The following CDH8 variants were observed in gnomAD, a reference collection of about 807,000 sequenced individuals.
CDH8 encodes cadherin 8.
CDH8 carries 17 observed loss-of-function variants against 68.1 expected under a neutral mutation model. The ratio of observed to expected loss-of-function variants is 0.25; its 90% CI spans 0.17 to 0.37. CDH8 has a LOEUF of 0.37. Ranked by LOEUF, CDH8 falls within the 10% of genes least tolerant of loss-of-function variation. The probability of loss-of-function intolerance (pLI) is 1.00; values close to 1 mark genes in which losing one functional copy is unlikely to be tolerated. For missense variants in CDH8, 763 were observed against 999.3 expected, an observed-to-expected ratio of 0.76 and a Z score of 3.19; for synonymous variants, 372 against 365.1, an observed-to-expected ratio of 1.02 and a Z score of -0.21.
rs16964185 is a variant in CDH8, at chr16:62,018,855, G to A, written c.252+2297C>T. Among the ~76,000 whole-genome samples, 1,452 of 152,248 alleles carry A rather than the reference G, an allele frequency of 9.5e-3. 23 individuals carry two copies. The highest frequency in any genetic ancestry group is 0.032 in the African/African-American group (1,350 of 41,558). On this transcript the variant is annotated intron_variant, in intron 2 of 11. Transcript: ENST00000577390. ...ATTCAGAGAAGCATGAACGTCTCAC[G>A]TGTCAATAAGTCACAAGAAGATGCT... is the stretch of plus-strand genomic sequence containing the variant.
At chr16:61,865,853 G>A (rs1015381090) in intron 3 of CDH8, among the ~76,000 whole-genome samples, 2 of 152,138 alleles carry the variant, frequency 1.3e-5, no homozygotes, top group Admixed American at 6.6e-5. Context: ...GGCAGCTATC[G>A]ATATCCATAC....
At chr16:61,762,634 GAAGATGGCACC>G (rs766371783) in intron 8 of CDH8, among the ~76,000 whole-genome samples, 44 of 152,258 alleles carry the variant, frequency 2.9e-4, no homozygotes, top group Non-Finnish European at 5.3e-4. Context: ...TAGGAACTCT[GAAGATGGCACC>G]AAGTAATCTG....
In CDH8 at chr16:62,027,110, CAGAT is replaced by C. The variant is rs148567318; in HGVS notation, c.-199-5512_-199-5509del. On this transcript the variant is annotated intron_variant, in intron 1 of 11. Coordinates refer to ENST00000577390, the MANE Select transcript of CDH8 (RefSeq NM_001796.5). ...TAATGCTGCTGCATTGATTTACACT[CAGAT>C]AGTGAGATGAAGAGATTTTACAGTT... Among the ~76,000 whole-genome samples the C allele has an allele frequency of 9.1e-4, 138 of 152,308 alleles. 1 individual carries two copies. Among genetic ancestry groups the C allele is most frequent in the African/African-American group, 3.1e-3 (129 of 41,562 alleles).
At chr16:61,937,531 T>A (rs78103862) in intron 2 of CDH8, among the ~76,000 whole-genome samples, 23,181 of 152,118 alleles carry the variant, frequency 0.15, 2,629 homozygotes, top group East Asian at 0.3. Context: ...CTTTTCTCAG[T>A]CTCTGGAACT....
At chr16:61,902,344 G>A (rs1040001066) in intron 2 of CDH8, among the ~76,000 whole-genome samples, 6 of 151,964 alleles carry the variant, frequency 3.9e-5, no homozygotes, top group African/African-American at 1.4e-4. Context: ...CTGGTTTTAA[G>A]GTTCTGACAA....
intron 2 of CDH8, among the ~76,000 whole-genome samples, chr16:62,009,153 A>G (rs1212448175): frequency 6.6e-6 from 1 of 152,120 alleles, no homozygotes; most frequent in Non-Finnish European, 1.5e-5. Flanking sequence ...GGTCATTTTT[A>G]ATAGCATGTT....
At chr16:61,889,575 C>T (rs189328582) in intron 3 of CDH8, among the ~76,000 whole-genome samples, 1 of 152,218 alleles carries the variant, frequency 6.6e-6, no homozygotes, top group African/African-American at 2.4e-5. Flanking sequence ...TTCGGAGCTG[C>T]CCTGACATGC....
At chr16:61,756,701 G>GT (rs1960329171) in intron 8 of CDH8, among the ~76,000 whole-genome samples, 1 of 152,052 alleles carries the variant, frequency 6.6e-6, no homozygotes, top group African/African-American at 2.4e-5. Flanking sequence ...CACTTCAGCA[G>GT]GTTTCTCAAA....
chr16:61,884,299 GATA>G (rs1465749263), intron 3 of CDH8, among the ~76,000 whole-genome samples: 1 of 151,834 alleles, frequency 6.6e-6, no homozygotes, highest in African/African-American at 2.4e-5. Context: ...TCAACATGAA[GATA>G]ATGAGGATGA....
intron 2 of CDH8, among the ~76,000 whole-genome samples, chr16:61,973,048 C>T (rs1162462330): frequency 6.6e-6 from 1 of 152,160 alleles, no homozygotes; most frequent in African/African-American, 2.4e-5. Flanking sequence ...ACAGCTGACC[C>T]TTGAACAACA....
At chr16:61,850,818 T>G (rs1962923628) in intron 4 of CDH8, among the ~76,000 whole-genome samples, 1 of 152,046 alleles carries the variant, frequency 6.6e-6, no homozygotes, top group African/African-American at 2.4e-5. Flanking sequence ...TTCATACATG[T>G]TTGCTAAGTT....
chr16:61,854,648 G>C (rs1366978583), intron 4 of CDH8, among the ~76,000 whole-genome samples: 2 of 151,986 alleles, frequency 1.3e-5, no homozygotes, highest in Non-Finnish European at 2.9e-5. Context: ...CCACAAAGGG[G>C]GTATTTGCTT....
At chr16:61,779,300 T>C (rs755784791) in intron 8 of CDH8, among the ~76,000 whole-genome samples, 10 of 152,112 alleles carry the variant, frequency 6.6e-5, no homozygotes, top group Non-Finnish European at 1.2e-4. Flanking sequence ...ACATTCTCAG[T>C]ATTCTTTACT....
At chr16:62,003,742 T>G (rs1312468003) in intron 2 of CDH8, among the ~76,000 whole-genome samples, 4 of 152,206 alleles carry the variant, frequency 2.6e-5, no homozygotes, top group Admixed American at 6.5e-5. Flanking sequence ...AAAATAATTA[T>G]GGTATTTGCA....
At chr16:61,864,363 C>A (rs573939989) in intron 3 of CDH8, among the ~76,000 whole-genome samples, 3 of 151,786 alleles carry the variant, frequency 2.0e-5, no homozygotes, top group Non-Finnish European at 2.9e-5. Context: ...GTCTCCACCC[C>A]CTCCCCATCA....
intron 3 of CDH8, among the ~76,000 whole-genome samples, chr16:61,884,349 G>T (rs893730681): frequency 6.6e-6 from 1 of 151,720 alleles, no homozygotes; most frequent in Non-Finnish European, 1.5e-5. Context: ...GTGATGAATA[G>T]TAAGTATATT....
At chr16:61,981,681 T>TGCGCGCGCGCGC (rs1555526842) in intron 2 of CDH8, among the ~76,000 whole-genome samples, 6 of 141,758 alleles carry the variant, frequency 4.2e-5, no homozygotes, top group African/African-American at 1.4e-4. Context: ...TGTGTGTGTG[T>TGCGCGCGCGCGC]GCGCGCGCGC....
chr16:61,966,357 G>A (rs1965252231), intron 2 of CDH8, among the ~76,000 whole-genome samples: 1 of 152,070 alleles, frequency 6.6e-6, no homozygotes, highest in African/African-American at 2.4e-5. Flanking sequence ...GGCCAACATG[G>A]TGAAACCCCA....
At chr16:62,018,349 G>A (rs929716162) in intron 2 of CDH8, among the ~76,000 whole-genome samples, 26 of 152,284 alleles carry the variant, frequency 1.7e-4, no homozygotes, top group African/African-American at 6.0e-4. Context: ...CAGAGGCGCC[G>A]CCATGGTGAC....
Sources: allele counts gnomAD v4.1 joint callset (sites outside exome capture counted in the v4.1 genomes callset), GRCh38; gene constraint gnomAD v4.1.1; transcripts MANE v1.5; gene names NCBI Gene and HGNC (gene_info 2026-07-23, HGNC 2026-07-21).